The following COG6 variants were observed in gnomAD, a reference collection of about 807,000 sequenced individuals.
COG6 encodes component of oligomeric golgi complex 6.
A neutral mutation model predicts 88.8 loss-of-function variants in COG6; 74 were observed. The ratio of observed to expected loss-of-function variants is 0.83; its 90% CI spans 0.69 to 1.01. The LOEUF is 1.01. Among genes scored for constraint, COG6 ranks in the 50% least tolerant of loss-of-function variants. The probability of loss-of-function intolerance (pLI) is 0.00; values close to 1 mark genes in which losing one functional copy is unlikely to be tolerated. For missense variants in COG6, 800 were observed against 797.9 expected (o/e 1.00, Z -0.03); for synonymous variants, 286 against 278.7 (o/e 1.03, Z -0.26).
chr13:39,710,647 AAAAT>A (rs1180369241), intron 13 of COG6, among the ~76,000 whole-genome samples: 1 of 152,192 alleles, frequency 6.6e-6, no homozygotes, highest in Non-Finnish European at 1.5e-5. Flanking sequence ...AGAAAAGAAA[AAAAT>A]CAACAAATAC....
chr13:39,711,237 A>G (rs1878222266), intron 13 of COG6, among the ~76,000 whole-genome samples: 1 of 152,192 alleles, frequency 6.6e-6, no homozygotes, highest in African/African-American at 2.4e-5. Flanking sequence ...GTAAACTTGA[A>G]GAAGGCCTCA....
In COG6 at chr13:39,669,017, C is replaced by T. The variant is rs796919831; in HGVS notation, c.428+3863C>T. Among the ~76,000 whole-genome samples the T allele has an allele frequency of 2.3e-4, 16 of 70,764 alleles. 1 individual carries two copies. The highest frequency in any genetic ancestry group is 6.5e-4 in the African/African-American group (16 of 24,708). 46.4% of individuals were successfully genotyped at this position (70,764 alleles called of 152,430 possible). ...ATTCCTGAATGCGCCACCATAGTCA[C>T]GATATAGTACACAGTTCCATCACCA... On this transcript the variant is annotated intron_variant, in intron 4 of 18. Transcript: ENST00000455146.
At position 39,771,620 on chromosome 13, in the gene COG6, A is replaced by G. The variant is rs550882319; in HGVS notation, c.1827-16715A>G. Among the ~76,000 whole-genome samples, 7 of 152,350 alleles carry G rather than the reference A, an allele frequency of 4.6e-5. No individual in the cohort carries two copies. The South Asian group carries it at 1.4e-3, about 32-fold the overall frequency. The stretch of plus-strand genomic sequence containing the variant: ...GCCTTGGCAAAGTACATTTAACTCC[A>G]CTGGCCTTTTCTTACTTGCCTGAGG... On this transcript the variant is annotated intron_variant, in intron 18 of 18. Transcript: ENST00000416691.
At chr13:39,739,447 T>C (rs1431683634) in intron 18 of COG6, among the ~76,000 whole-genome samples, 1 of 152,012 alleles carries the variant, frequency 6.6e-6, no homozygotes, top group African/African-American at 2.4e-5. Flanking sequence ...AGGGTGTAAG[T>C]CAATAAAAGG....
intron 17 of COG6, among the ~76,000 whole-genome samples, chr13:39,727,159 C>G (rs1295003398): frequency 6.6e-6 from 1 of 151,858 alleles, no homozygotes; most frequent in Non-Finnish European, 1.5e-5. Flanking sequence ...ACAGGTAGAC[C>G]TGAAACCTGA....
chr13:39,744,494 C>G (rs1880226297), intron 18 of COG6, among the ~76,000 whole-genome samples: 1 of 152,148 alleles, frequency 6.6e-6, no homozygotes, highest in African/African-American at 2.4e-5. Context: ...TGAGTGAACT[C>G]CCATTCACAA....
chr13:39,770,011 T>A (rs1881275153), intron 18 of COG6, among the ~76,000 whole-genome samples: 3 of 152,192 alleles, frequency 2.0e-5, no homozygotes, highest in Admixed American at 2.0e-4. Context: ...AACAAGTAGC[T>A]AACATCTAGC....
rs375851426 is a variant in COG6 at position 39,736,198 on chromosome 13, C to T, written c.1826+8650C>T. Among the ~76,000 whole-genome samples the T allele has an allele frequency of 3.4e-3, 516 of 150,956 alleles. 2 individuals carry two copies. The highest frequency in any genetic ancestry group is 0.012 in the African/African-American group (489 of 41,168). ...TGTGTGCTTCATTTTTTTTTTTATT[C>T]CTTTTTCTTTTGTCTCCTCTTACTG... On this transcript the variant is annotated intron_variant, in intron 18 of 18. Transcript: ENST00000455146.
intron 18 of COG6, among the ~76,000 whole-genome samples, chr13:39,782,794 C>T (rs1173663917): frequency 6.6e-6 from 1 of 152,170 alleles, no homozygotes; most frequent in African/African-American, 2.4e-5. Context: ...AACAGCATGT[C>T]TGGAGTCTGT....
At chr13:39,657,325 C>T (rs1235048460) in intron 1 of COG6, among the ~76,000 whole-genome samples, 1 of 152,198 alleles carries the variant, frequency 6.6e-6, no homozygotes, top group African/African-American at 2.4e-5. Context: ...AACCACTGCG[C>T]CCGGCCACAT....
At chr13:39,734,314 T>C (rs1879617517) in intron 18 of COG6, among the ~76,000 whole-genome samples, 1 of 152,126 alleles carries the variant, frequency 6.6e-6, no homozygotes, top group African/African-American at 2.4e-5. Context: ...TTTCAGTTGT[T>C]TCAATAAATT....
chr13:39,740,247 A>G (rs779090476), intron 18 of COG6, among the ~76,000 whole-genome samples: 6 of 152,138 alleles, frequency 3.9e-5, no homozygotes, highest in Admixed American at 6.5e-5. Flanking sequence ...GAGAGGACTC[A>G]TACTTCTGAA....
At position 39,687,396 on chromosome 13, in the gene COG6, C is replaced by T. The variant is rs1876712226; in HGVS notation, c.789-107C>T. 5.1e-6 allele frequency: 5 copies of T among 988,470 alleles called. No homozygotes were observed. In the South Asian group the frequency reaches 5.2e-5, roughly 10 times the overall value. 61.2% of individuals were successfully genotyped at this position (988,470 alleles called of 1,614,324 possible). A position where few individuals can be genotyped will look rare whatever the true frequency, so the allele number is the denominator to read the frequency against. On this transcript the variant is annotated intron_variant, in intron 8 of 18. Transcript: ENST00000455146. Reference sequence around the variant, plus strand: ...TTGCTTGACCGAATATCTAAAGGAGCTTTAAGTGCTTTTTAAGTACTTGGT... The same window carrying T: ...TTGCTTGACCGAATATCTAAAGGAGTTTTAAGTGCTTTTTAAGTACTTGGT...
intron 13 of COG6, among the ~76,000 whole-genome samples, chr13:39,714,108 T>C (rs527454719): frequency 1.3e-5 from 2 of 152,306 alleles, no homozygotes; most frequent in East Asian, 3.9e-4. Context: ...TTAAAGACCT[T>C]ATTTCAAGGG....
chr13:39,735,756 G>T (rs1879712100), intron 18 of COG6, among the ~76,000 whole-genome samples: 3 of 120,476 alleles, frequency 2.5e-5, no homozygotes, highest in South Asian at 2.6e-4. Flanking sequence ...TGTCCTTCAT[G>T]TTTATAAGAT....
Position 39,689,633 on chromosome 13 carries a change from T to C in COG6, c.1010-127T>C, listed in dbSNP as rs916607920. The C allele has an allele frequency of 6.2e-6, 4 of 641,006 alleles. No homozygotes were observed. In the Admixed American group the frequency reaches 7.6e-5, roughly 12 times the overall value. The allele number at this position is 641,006 out of a possible 1,614,324, so 39.7% of individuals were successfully genotyped here. ...TATCAAACTTACTAAAATATTGTTA[T>C]GGTTATTTTAAAAGTCATTAGTGCC... is the stretch of plus-strand genomic sequence containing the variant. On this transcript the variant is annotated intron_variant, in intron 10 of 18. Transcript: ENST00000455146.
intron 4 of COG6, among the ~76,000 whole-genome samples, chr13:39,666,548 C>G (rs1285526119): frequency 6.6e-6 from 1 of 152,156 alleles, no homozygotes; most frequent in Non-Finnish European, 1.5e-5. Context: ...ATGGCAAGTA[C>G]ATGACCCCCA....
chr13:39,727,637 G>A, intron 18 of COG6, 89 bp downstream of exon 18: 1 of 958,482 alleles, frequency 1.0e-6, no homozygotes, highest in Non-Finnish European at 1.7e-6. Context: ...TTATTTTCAA[G>A]AATAAATGAT....
rs574708867 is a variant in COG6 at position 39,708,210 on chromosome 13, GA to G, written c.1284+8593del. On this transcript the variant is annotated intron_variant, in intron 13 of 18. Transcript: ENST00000455146. ...GTTGTCTTTTAAAGACTGTTGCAGA[GA>G]GTCCTTACTGGGTTGTTACCTTTTT... Among the ~76,000 whole-genome samples, 250 of 152,264 alleles carry G rather than the reference GA, an allele frequency of 1.6e-3. 1 individual carries two copies. The highest frequency in any genetic ancestry group is 2.8e-3 in the Non-Finnish European group (189 of 68,002).
Sources: gnomAD v4.1 joint callset for allele counts (sites outside exome capture counted in the v4.1 genomes callset) on GRCh38, gnomAD v4.1.1 for gene constraint, MANE v1.5 for transcripts, NCBI Gene and HGNC (gene_info 2026-07-23, HGNC 2026-07-21) for gene names.